The following PACSIN2 variants were observed in gnomAD, a reference collection of about 807,000 sequenced individuals.
PACSIN2 encodes protein kinase C and casein kinase substrate in neurons protein 2.
A neutral mutation model predicts 63.8 loss-of-function variants in PACSIN2; 25 were observed. That is an observed-to-expected ratio of 0.39 (90% CI 0.29 to 0.55). PACSIN2 has a LOEUF of 0.55. Ranked by LOEUF, PACSIN2 falls within the 20% of genes least tolerant of loss-of-function variation. The probability of loss-of-function intolerance (pLI) is 0.62; values close to 1 mark genes in which losing one functional copy is unlikely to be tolerated. For missense variants in PACSIN2, 518 were observed against 646.9 expected, an observed-to-expected ratio of 0.80 and a Z score of 2.16; for synonymous variants, 255 against 256.2, an observed-to-expected ratio of 1.00 and a Z score of 0.05.
intron 1 of PACSIN2, among the ~76,000 whole-genome samples, chr22:42,988,313 C>A: frequency 6.6e-6 from 1 of 152,300 alleles, no homozygotes; most frequent in African/African-American, 2.4e-5. Context: ...AGGACACAGA[C>A]AGCTGTGGGA....
chr22:42,937,353 G>C (rs1363664734), intron 1 of PACSIN2, among the ~76,000 whole-genome samples: 1 of 152,200 alleles, frequency 6.6e-6, no homozygotes, highest in Non-Finnish European at 1.5e-5. Context: ...GGCACAGAAA[G>C]ACAGGTGTGG....
At chr22:42,983,750 T>C (rs1922409856) in intron 1 of PACSIN2, among the ~76,000 whole-genome samples, 1 of 148,900 alleles carries the variant, frequency 6.7e-6, no homozygotes, top group African/African-American at 2.5e-5. Flanking sequence ...GAGCACACCA[T>C]CATGCCTATC....
chr22:43,006,728 T>C (rs1444083582), intron 1 of PACSIN2, among the ~76,000 whole-genome samples: 1 of 152,086 alleles, frequency 6.6e-6, no homozygotes, highest in Non-Finnish European at 1.5e-5. Flanking sequence ...GGCAGGAGAC[T>C]CACTGGAACC....
At chr22:42,981,525 G>T (rs1489847523) in intron 1 of PACSIN2, among the ~76,000 whole-genome samples, 6 of 101,764 alleles carry the variant, frequency 5.9e-5, no homozygotes, top group Non-Finnish European at 8.0e-5. Context: ...GGGAGGTGGG[G>T]GGGTCAGCCC....
At chr22:42,972,866 G>A (rs556038929) in intron 1 of PACSIN2, among the ~76,000 whole-genome samples, 4 of 152,148 alleles carry the variant, frequency 2.6e-5, no homozygotes, top group Admixed American at 2.0e-4. Context: ...CAGCTCAACC[G>A]TGCTTTTAAA....
At chr22:42,998,463 A>G (rs1923556780) in intron 1 of PACSIN2, among the ~76,000 whole-genome samples, 2 of 152,218 alleles carry the variant, frequency 1.3e-5, no homozygotes, top group African/African-American at 4.8e-5. Flanking sequence ...ACAGAGCAAG[A>G]AAAGGGCAAC....
rs1555936911 is a variant in PACSIN2 at position 42,962,775 on chromosome 22, CGGG to C, written c.-77-50621_-77-50619del. Among the ~76,000 whole-genome samples the C allele has an allele frequency of 2.4e-4, 4 of 16,420 alleles. 1 individual carries two copies. Among genetic ancestry groups the C allele is most frequent in the Admixed American group, 9.2e-4 (2 of 2,178 alleles). 10.8% of individuals were successfully genotyped at this position (16,420 alleles called of 152,430 possible). On this transcript the variant is annotated intron_variant, in intron 1 of 10. Transcript: ENST00000263246. ...CCCAGTCACAAGAGCAAGGTGTGGG[CGGG>C]GGGGGGGGGCGGCGCAGAAAAAGAA...
At chr22:42,989,980 ATATT>A (rs1327640312) in intron 1 of PACSIN2, among the ~76,000 whole-genome samples, 2 of 121,678 alleles carry the variant, frequency 1.6e-5, no homozygotes, top group Admixed American at 8.8e-5. Context: ...AAAAGAAGAT[ATATT>A]TATATATACA....
intron 5 of PACSIN2, among the ~76,000 whole-genome samples, chr22:42,886,755 C>T (rs1190887749): frequency 6.6e-6 from 1 of 152,184 alleles, no homozygotes; most frequent in African/African-American, 2.4e-5. Context: ...GCTCTAGGCA[C>T]ACAAGGACCT....
intron 1 of PACSIN2, among the ~76,000 whole-genome samples, chr22:43,014,750 C>T (rs1924769340): frequency 6.6e-6 from 1 of 151,636 alleles, no homozygotes; most frequent in South Asian, 2.1e-4. Flanking sequence ...CACAGCGCCG[C>T]CCCCATGGGC....
intron 1 of PACSIN2, among the ~76,000 whole-genome samples, chr22:43,013,993 G>A (rs962445494): frequency 4.6e-5 from 7 of 152,086 alleles, no homozygotes; most frequent in African/African-American, 1.7e-4. Flanking sequence ...GTCAAAGGCT[G>A]CAGCCGTGTG....
At chr22:42,888,893 G>C in intron 4 of PACSIN2, 95 bp from the exon 5 acceptor site, 1 of 1,317,968 alleles carries the variant, frequency 7.6e-7, no homozygotes, top group Non-Finnish European at 1.1e-6. Flanking sequence ...GTGCTACCAA[G>C]AGGGGAGAAA....
At chr22:42,920,873 G>T (rs1475014852) in intron 1 of PACSIN2, among the ~76,000 whole-genome samples, 2 of 139,582 alleles carry the variant, frequency 1.4e-5, no homozygotes, top group East Asian at 4.3e-4. Flanking sequence ...TGTGATCACA[G>T]CTCACTGCAG....
At chr22:42,914,752 C>A (rs930567516) in intron 1 of PACSIN2, among the ~76,000 whole-genome samples, 1 of 152,196 alleles carries the variant, frequency 6.6e-6, no homozygotes, top group East Asian at 1.9e-4. Flanking sequence ...GCCCCTGCTC[C>A]GGACTGAGAG....
chr22:42,927,784 G>C (rs1007247116), intron 1 of PACSIN2, among the ~76,000 whole-genome samples: 2 of 151,744 alleles, frequency 1.3e-5, no homozygotes, highest in Non-Finnish European at 2.9e-5. Context: ...ATGGGGTTTC[G>C]CCATGTTGGT....
intron 1 of PACSIN2, among the ~76,000 whole-genome samples, chr22:42,971,091 T>C (rs1473555511): frequency 6.6e-6 from 1 of 151,846 alleles, no homozygotes; most frequent in Non-Finnish European, 1.5e-5. Flanking sequence ...ATGATAAAAA[T>C]ATTCTCCCTC....
chr22:42,894,406 C>T (rs940246851), intron 2 of PACSIN2, among the ~76,000 whole-genome samples: 1 of 152,294 alleles, frequency 6.6e-6, no homozygotes. Context: ...TCACACCCAG[C>T]TAGTTTTTGT....
chr22:42,897,370 T>C (rs1379449075), intron 2 of PACSIN2, among the ~76,000 whole-genome samples: 1 of 152,276 alleles, frequency 6.6e-6, no homozygotes, highest in Non-Finnish European at 1.5e-5. Context: ...TAGTTAACTA[T>C]TTCTGCTCTA....
chr22:42,969,040 T>TCC (rs1375546243), intron 1 of PACSIN2, among the ~76,000 whole-genome samples: 1 of 142,484 alleles, frequency 7.0e-6, no homozygotes, highest in African/African-American at 2.6e-5. Context: ...CTTATCTATC[T>TCC]ATCTCCATCC....
Sources: gnomAD v4.1 joint callset for allele counts (sites outside exome capture counted in the v4.1 genomes callset) on GRCh38, gnomAD v4.1.1 for gene constraint, MANE v1.5 for transcripts, NCBI Gene and HGNC (gene_info 2026-07-23, HGNC 2026-07-21) for gene names.